The following SPEF2 variants were observed in gnomAD, a reference collection of about 807,000 sequenced individuals.
SPEF2 encodes the protein sperm flagella and cilia-associated protein 2.
Under a neutral mutation model 224.6 loss-of-function variants are expected in SPEF2, and 187 were observed. The observed-to-expected ratio is 0.83, with a 90% CI of 0.74 to 0.94. The LOEUF is 0.94. Among genes scored for constraint, SPEF2 ranks in the 40% least tolerant of loss-of-function variants. The pLI, the probability that SPEF2 is intolerant of heterozygous loss-of-function variation, is 0.00. For missense variants in SPEF2, 2,170 were observed against 2,135.6 expected (o/e 1.02, Z -0.32); for synonymous variants, 715 against 707.3 (o/e 1.01, Z -0.17).
At chr5:35,745,998 C>T (rs1301859609) in intron 23 of SPEF2, among the ~76,000 whole-genome samples, 1 of 152,226 alleles carries the variant, frequency 6.6e-6, no homozygotes, top group Non-Finnish European at 1.5e-5. Context: ...CATCACAGGA[C>T]TCTGTGCAGA....
intron 9 of SPEF2, among the ~76,000 whole-genome samples, chr5:35,669,830 C>CT (rs1213661575): frequency 1.3e-5 from 2 of 151,976 alleles, no homozygotes; most frequent in African/African-American, 2.4e-5. Context: ...TTCAAGGCCC[C>CT]TTTAAGAGAA....
chr5:35,775,877 A>T (rs970723704), intron 28 of SPEF2, among the ~76,000 whole-genome samples: 1 of 152,170 alleles, frequency 6.6e-6, no homozygotes, highest in Non-Finnish European at 1.5e-5. Flanking sequence ...CCCTGATTTT[A>T]GTGGTGCTGA....
rs576563373 is a variant in SPEF2, at chr5:35,791,350, G to A, written c.4448-990G>A. ...GATCTCAAAATTGTGTATTTGATTC[G>A]AAGCACTGAGATTTTAGAAGGATTA... On this transcript the variant is annotated intron_variant, in intron 30 of 36. Transcript: ENST00000356031. Among the ~76,000 whole-genome samples the A allele has an allele frequency of 2.6e-5, 4 of 152,248 alleles. No individual in the cohort carries two copies. The South Asian group carries it at 8.3e-4, about 32-fold the overall frequency.
chr5:35,622,807 C>G (rs567442509), intron 1 of SPEF2, among the ~76,000 whole-genome samples: 1 of 151,934 alleles, frequency 6.6e-6, no homozygotes, highest in Non-Finnish European at 1.5e-5. Context: ...TTGTGTAAAT[C>G]GAAGCAAAAA....
chr5:35,698,551 G>A (rs1365713656), intron 15 of SPEF2: 3 of 152,124 alleles, frequency 2.0e-5, no homozygotes, highest in African/African-American at 4.8e-5. Context: ...CAGATATAAA[G>A]CAGTTCTTCA....
At chr5:35,788,972 C>T (rs970646393) in intron 30 of SPEF2, 3 of 702,858 alleles carry the variant, frequency 4.3e-6, no homozygotes, top group Admixed American at 4.0e-5. Context: ...TCATGGATTA[C>T]AGGCAGCCCT....
Position 35,673,950 on chromosome 5 carries a change from T to C in SPEF2, c.1524+3723T>C, listed in dbSNP as rs1313070314. On this transcript the variant is annotated intron_variant, in intron 10 of 36. Coordinates refer to ENST00000356031, the MANE Select transcript of SPEF2 (RefSeq NM_024867.4). ...CTTTTTCCACCAAAGAATAGAAATATGGGACTAAATGAGCCATGGAGTTCT... is the reference window on the plus strand; with the variant it reads ...CTTTTTCCACCAAAGAATAGAAATACGGGACTAAATGAGCCATGGAGTTCT... 1.4e-4 allele frequency among the ~76,000 whole-genome samples: 21 copies of C among 152,280 alleles called. No homozygotes were observed. In the East Asian group the frequency reaches 3.7e-3, roughly 27 times the overall value.
chr5:35,699,279 A>C (rs1738059247), intron 15 of SPEF2: 1 of 152,222 alleles, frequency 6.6e-6, no homozygotes, highest in Non-Finnish European at 1.5e-5. Flanking sequence ...ATGAAATTAT[A>C]CCTTTTAATC....
chr5:35,628,561 A>C lies in SPEF2; in HGVS notation c.160A>C (p.Arg54=), dbSNP rs1307908572. ...TGATTTTTCAGAATTTTTGGACAGC[A>C]GGTTAGTGAGATTATTCCTTTTTGT... ...QDDFSEFLDS[R]VSSAKLNNFS... is the part of the protein sequence containing the mutation. The change falls in exon 2 of 37, where the codon AGG becomes CGG. Residue 54 remains arginine (R), a splice_region_variant and synonymous_variant. Transcript: ENST00000356031. 21 of 1,594,820 alleles carry C rather than the reference A, an allele frequency of 1.3e-5. No homozygotes were observed. The highest frequency in any genetic ancestry group is 1.6e-5 in the Non-Finnish European group (19 of 1,162,982).
intron 21 of SPEF2, among the ~76,000 whole-genome samples, chr5:35,733,896 C>A (rs1746090799): frequency 6.6e-6 from 1 of 152,132 alleles, no homozygotes; most frequent in African/African-American, 2.4e-5. Context: ...GCTTCAATTG[C>A]CTCATCTTTA....
chr5:35,707,821 C>T (rs1472522351), intron 18 of SPEF2, among the ~76,000 whole-genome samples: 1 of 152,164 alleles, frequency 6.6e-6, no homozygotes, highest in Non-Finnish European at 1.5e-5. Flanking sequence ...TGGCTTGCTT[C>T]ATGTCTTTGC....
chr5:35,778,508 T>A (rs1753909325), intron 29 of SPEF2, among the ~76,000 whole-genome samples: 1 of 152,192 alleles, frequency 6.6e-6, no homozygotes, highest in Non-Finnish European at 1.5e-5. Flanking sequence ...GTTGCTGCTT[T>A]ACCATGTTAT....
chr5:35,670,310 A>C, intron 10 of SPEF2, 83 bp downstream of exon 10: 2 of 1,481,572 alleles, frequency 1.3e-6, no homozygotes, highest in Non-Finnish European at 1.8e-6. Flanking sequence ...TCCTTATTTC[A>C]TTTCTACTAA....
intron 21 of SPEF2, 122 bp downstream of exon 21, chr5:35,727,945 T>C: frequency 1.9e-6 from 2 of 1,054,884 alleles, no homozygotes; most frequent in Non-Finnish European, 2.6e-6. Flanking sequence ...TCTATCCATC[T>C]GAGATTTTTT....
intron 2 of SPEF2, among the ~76,000 whole-genome samples, chr5:35,635,843 C>T (rs541478887): frequency 6.6e-6 from 1 of 151,548 alleles, no homozygotes; most frequent in Admixed American, 6.6e-5. Flanking sequence ...GTGTGCTGCA[C>T]TTTTTTTTTC....
At chr5:35,716,266 G>C (rs10941259) in intron 20 of SPEF2, among the ~76,000 whole-genome samples, 114,261 of 151,964 alleles carry the variant, frequency 0.75, 43,308 homozygotes, top group Middle Eastern at 0.83. Context: ...TGAGATAAAA[G>C]TTTTAGTTAA....
intron 10 of SPEF2, chr5:35,678,432 C>T (rs1218218697): frequency 6.6e-6 from 1 of 152,240 alleles, no homozygotes; most frequent in Non-Finnish European, 1.5e-5. Context: ...CTCTGCATTT[C>T]CTGGCAAGAG....
Position 35,776,362 on chromosome 5 carries a change from G to A in SPEF2, c.4184G>A (p.Trp1395Ter). ...VVDVYKLMEK[W>*]LGERYLNEMA... ...GATGTATATAAACTCATGGAAAAAT[G>A]GCTTGGTGAGAGGTATTTGAATGAA... Residue 1395 changes from tryptophan (W) to a stop codon, truncating the protein, a stop_gained, in exon 29 of 37, where the codon TGG (tryptophan) becomes TAG (stop). Transcript: ENST00000356031. LOFTEE classifies it high-confidence loss of function. 1 of 1,611,040 alleles carries A rather than the reference G, an allele frequency of 6.2e-7. No individual in the cohort carries two copies. The highest frequency in any genetic ancestry group is 8.5e-7 in the Non-Finnish European group (1 of 1,178,724).
chr5:35,788,535 A>C (rs538035466), intron 30 of SPEF2: 1 of 702,544 alleles, frequency 1.4e-6, no homozygotes, highest in Admixed American at 2.0e-5. Flanking sequence ...GGAAAGGTGC[A>C]CTGTCAAATT....
Sources: allele counts gnomAD v4.1 joint callset (sites outside exome capture counted in the v4.1 genomes callset), GRCh38; gene constraint gnomAD v4.1.1; transcripts MANE v1.5; gene names NCBI Gene and HGNC (gene_info 2026-07-23, HGNC 2026-07-21).